The following TRIM2 variants were observed in gnomAD, a reference collection of about 807,000 sequenced individuals.
TRIM2 encodes tripartite motif containing 2.
Under a neutral mutation model 75.2 loss-of-function variants are expected in TRIM2, and 20 were observed. The ratio of observed to expected loss-of-function variants is 0.27; its 90% CI spans 0.19 to 0.39. The LOEUF (loss-of-function observed/expected upper bound fraction) is 0.39. Among genes scored for constraint, TRIM2 ranks in the 10% least tolerant of loss-of-function variants. TRIM2 has a pLI of 1.00. For missense variants in TRIM2, 660 were observed against 990.8 expected (o/e 0.67, Z 4.48); for synonymous variants, 373 against 388.3 (o/e 0.96, Z 0.46).
upstream of TRIM2, among the ~76,000 whole-genome samples, chr4:153,203,643 G>A (rs575429548): frequency 5.4e-4 from 82 of 151,082 alleles, no homozygotes; most frequent in African/African-American, 2.0e-3. Flanking sequence ...TGTAATCCCA[G>A]CACTTTGGGA....
At chr4:153,326,285 T>G (rs1770155538) in intron 10 of TRIM2, among the ~76,000 whole-genome samples, 1 of 152,232 alleles carries the variant, frequency 6.6e-6, no homozygotes, top group Admixed American at 6.5e-5. Flanking sequence ...CTGAAAACTC[T>G]TCAAGTTTTC....
chr4:153,211,976 C>T (rs1488171718), intron 1 of TRIM2, among the ~76,000 whole-genome samples: 1 of 152,144 alleles, frequency 6.6e-6, no homozygotes, highest in East Asian at 1.9e-4. Context: ...ATGGAAATAT[C>T]CCTTCTCTAT....
intron 1 of TRIM2, among the ~76,000 whole-genome samples, chr4:153,159,029 A>G (rs1462871953): frequency 1.3e-5 from 2 of 152,210 alleles, no homozygotes; most frequent in East Asian, 3.8e-4. Context: ...CTGTAAATGA[A>G]CAACTGAGCC....
intron 1 of TRIM2, among the ~76,000 whole-genome samples, chr4:153,221,763 T>C (rs1319600632): frequency 2.4e-4 from 18 of 76,242 alleles, no homozygotes; most frequent in African/African-American, 7.2e-4. Context: ...AGGGAGGAAA[T>C]AAGGAAGGAA....
At chr4:153,199,296 C>T (rs1734083423) in intron 1 of TRIM2, among the ~76,000 whole-genome samples, 1 of 152,160 alleles carries the variant, frequency 6.6e-6, no homozygotes, top group South Asian at 2.1e-4. Context: ...TTAAAATGAA[C>T]TGAGTTCAAA....
At chr4:153,270,292 C>G (rs1579193150) in intron 1 of TRIM2, 43 bp from the exon 2 acceptor site, 1 of 1,579,812 alleles carries the variant, frequency 6.3e-7, no homozygotes, top group Non-Finnish European at 8.6e-7. Flanking sequence ...CTTGTACCTA[C>G]AGATCATTAT....
chr4:153,338,140 A>G lies in TRIM2; in HGVS notation c.*3174A>G, dbSNP rs1338486336. The G allele has an allele frequency of 5.1e-6, 5 of 985,754 alleles. No individual in the cohort carries two copies. The highest frequency in any genetic ancestry group is 1.7e-5 in the African/African-American group (1 of 57,240). 61.1% of individuals were successfully genotyped at this position (985,754 alleles called of 1,614,324 possible). A position where few individuals can be genotyped will look rare whatever the true frequency, so the allele number is the denominator to read the frequency against. ...CAGCTAGAACACACTTGCTTCCACT[A>G]CTAAATATACAGGGTATGTCCTAAC... On this transcript the variant is annotated 3_prime_UTR_variant, in exon 12 of 12. Transcript: ENST00000338700.
At chr4:153,298,669 A>T (rs1352459366) in intron 6 of TRIM2, among the ~76,000 whole-genome samples, 1 of 152,138 alleles carries the variant, frequency 6.6e-6, no homozygotes, top group Non-Finnish European at 1.5e-5. Flanking sequence ...TCACATATTG[A>T]TCAATTTTTT....
At chr4:153,153,402 G>A (rs1014545868) in intron 1 of TRIM2, 33 of 151,888 alleles carry the variant, frequency 2.2e-4, no homozygotes, top group Admixed American at 2.1e-3. Flanking sequence ...AGGGCCCCGA[G>A]ACGCGCGTCG....
Position 153,338,243 on chromosome 4 carries a change from G to C in TRIM2, c.*3277G>C. On this transcript the variant is annotated 3_prime_UTR_variant, in exon 12 of 12. Transcript: ENST00000338700. ...ACTGACGGGTTAACAGAAATGCTTT[G>C]GTAATACCTACTTAGTTAATTGGAG... 1 of 985,770 alleles carries C rather than the reference G, an allele frequency of 1.0e-6. No individual in the cohort carries two copies. The highest frequency in any genetic ancestry group is 1.1e-4 in the East Asian group (1 of 8,810). 61.1% of individuals were successfully genotyped at this position (985,770 alleles called of 1,614,324 possible).
intron 8 of TRIM2, among the ~76,000 whole-genome samples, chr4:153,322,157 C>G (rs1769136420): frequency 6.6e-6 from 1 of 152,112 alleles, no homozygotes; most frequent in African/African-American, 2.4e-5. Context: ...TGCCTGTAAT[C>G]CCAGCACTTT....
chr4:153,163,185 A>G (rs540947021), intron 1 of TRIM2, among the ~76,000 whole-genome samples: 41 of 152,232 alleles, frequency 2.7e-4, no homozygotes, highest in African/African-American at 9.6e-4. Flanking sequence ...TTCTAGATTT[A>G]CATCATTTTT....
intron 1 of TRIM2, among the ~76,000 whole-genome samples, chr4:153,196,145 G>A (rs77653464): frequency 0.012 from 1,776 of 152,302 alleles, 21 homozygotes; most frequent in Admixed American, 0.022. Context: ...ATGAACATTG[G>A]CCGGGCAGGG....
At position 153,231,988 on chromosome 4, in the gene TRIM2, T is replaced by C. The variant is rs369526985; in HGVS notation, c.30+27428T>C. ...TCAAAGGAAATGCTCATTGGAGCAT[T>C]TCGGATTTCAGTCTTTTGGATTGCG... On this transcript the variant is annotated intron_variant, in intron 1 of 11. Coordinates refer to ENST00000338700, the MANE Select transcript of TRIM2 (RefSeq NM_015271.5). Among the ~76,000 whole-genome samples the C allele has an allele frequency of 3.9e-5, 6 of 152,150 alleles. No individual in the cohort carries two copies. In the East Asian group the frequency reaches 7.7e-4, roughly 19 times the overall value.
intron 1 of TRIM2, among the ~76,000 whole-genome samples, chr4:153,161,711 A>G (rs1729757729): frequency 6.6e-6 from 1 of 152,230 alleles, no homozygotes; most frequent in Non-Finnish European, 1.5e-5. Context: ...CAACTGCTAC[A>G]AGGCAGGTCC....
intron 1 of TRIM2, among the ~76,000 whole-genome samples, chr4:153,239,832 C>CTTTTTTTTTTT (rs142457664): frequency 1.4e-4 from 20 of 139,446 alleles, no homozygotes; most frequent in East Asian, 2.0e-4. Context: ...AACTTTCTTT[C>CTTTTTTTTTTT]TCTTTTTTTT....
chr4:153,306,940 C>A (rs566191281), intron 6 of TRIM2, among the ~76,000 whole-genome samples: 76 of 152,332 alleles, frequency 5.0e-4, no homozygotes, highest in African/African-American at 1.8e-3. Context: ...AAGCCCCTGC[C>A]TTTTAAATTG....
chr4:153,191,517 T>C (rs1190199088), intron 1 of TRIM2, among the ~76,000 whole-genome samples: 2 of 152,244 alleles, frequency 1.3e-5, no homozygotes, highest in African/African-American at 4.8e-5. Flanking sequence ...AAGTGAGAAA[T>C]GCATAGCTGT....
intron 1 of TRIM2, among the ~76,000 whole-genome samples, chr4:153,260,293 G>A (rs547685591): frequency 1.3e-5 from 2 of 152,066 alleles, no homozygotes; most frequent in South Asian, 4.2e-4. Context: ...TGATGGGTGT[G>A]GAGAGAGGAG....
Sources: gnomAD v4.1 joint callset for allele counts (sites outside exome capture counted in the v4.1 genomes callset) on GRCh38, gnomAD v4.1.1 for gene constraint, MANE v1.5 for transcripts, NCBI Gene and HGNC (gene_info 2026-07-23, HGNC 2026-07-21) for gene names.